Variants in TICRR observed in about 807,000 individuals in gnomAD.
TICRR encodes the protein TOPBP1 interacting checkpoint and replication regulator.
In TICRR, 132 loss-of-function variants were observed where a neutral mutation model predicts 178.1. The ratio of observed to expected loss-of-function variants is 0.74; its 90% confidence interval spans 0.64 to 0.86. The LOEUF is 0.86. Among genes scored for constraint, TICRR ranks in the 40% least tolerant of loss-of-function variants. The pLI is 0.00. For synonymous variants in TICRR, 991 were observed against 900.7 expected (o/e 1.10, Z -1.79); for missense variants, 2,587 against 2,334.3 (o/e 1.11, Z -2.23).
intron 18 of TICRR, among the ~76,000 whole-genome samples, chr15:89,620,880 G>A (rs971236581): frequency 1.3e-4 from 19 of 151,902 alleles, no homozygotes; most frequent in African/African-American, 3.4e-4. Context: ...CCGCCACCAC[G>A]CCCAGCTAAA....
rs746206801 is a variant in TICRR, at chr15:89,585,967, CAG to C, written c.1411+28_1411+29del. The C allele has an allele frequency of 4.3e-5, 69 of 1,594,258 alleles. No homozygotes were observed. In the East Asian group the frequency reaches 8.7e-4, roughly 20 times the overall value. ...GGTAAGCTCCTAAACTAGTAACTAA[CAG>C]AGTCTAGGGTGGTTTGCAGTCTTTT... On this transcript the variant is annotated intron_variant, in intron 4 of 21. Transcript: ENST00000268138.
At chr15:89,594,708 T>C (rs564968940) in intron 6 of TICRR, among the ~76,000 whole-genome samples, 154 bp downstream of exon 6, 1 of 152,358 alleles carries the variant, frequency 6.6e-6, no homozygotes, top group South Asian at 2.1e-4. Flanking sequence ...ATTAGTTCAA[T>C]AGTGATTTTT....
At chr15:89,612,271 A>G (rs1031762084) in intron 15 of TICRR, among the ~76,000 whole-genome samples, 5 of 151,950 alleles carry the variant, frequency 3.3e-5, no homozygotes, top group African/African-American at 1.2e-4. Context: ...CCTAAGAAGG[A>G]TTTCCTTAAA....
At chr15:89,606,483 TAG>T (rs1963177187) in intron 13 of TICRR, among the ~76,000 whole-genome samples, 1 of 152,220 alleles carries the variant, frequency 6.6e-6, no homozygotes, top group African/African-American at 2.4e-5. Flanking sequence ...CAACCATATA[TAG>T]AGAGGTCTTC....
chr15:89,618,960 AAAAAT>A (rs1416914276), intron 17 of TICRR, among the ~76,000 whole-genome samples: 11 of 152,206 alleles, frequency 7.2e-5, no homozygotes, highest in South Asian at 2.1e-4. Flanking sequence ...CATGTCTCTA[AAAAAT>A]AAAATAATAA....
chr15:89,602,771 T>C, intron 12 of TICRR, 25 bp from the exon 13 acceptor site: 1 of 1,218,088 alleles, frequency 8.2e-7, no homozygotes, highest in South Asian at 2.0e-5. Flanking sequence ...ATCTAGTATG[T>C]ATTAACTATT....
In TICRR at chr15:89,576,872, CAT is replaced by C. The variant is rs1387286893; in HGVS notation, c.654+640_654+641del. 5.7e-5 allele frequency among the ~76,000 whole-genome samples: 8 copies of C among 140,140 alleles called. No individual in the cohort carries two copies. In the South Asian group the frequency reaches 1.2e-3, roughly 20 times the overall value. The allele number at this position is 140,140 out of a possible 152,430, so 91.9% of individuals were successfully genotyped here. ...ATATATATATATATACACACACACACATATATATACACATTTATTTATATACA... is the reference window on the plus strand; with the variant it reads ...ATATATATATATATACACACACACACATATATACACATTTATTTATATACA... On this transcript the variant is annotated intron_variant, in intron 1 of 21. Coordinates refer to ENST00000268138, the MANE Select transcript of TICRR (RefSeq NM_152259.4).
At chr15:89,605,090 T>A (rs1291606640) in intron 13 of TICRR, among the ~76,000 whole-genome samples, 1 of 152,194 alleles carries the variant, frequency 6.6e-6, no homozygotes, top group Non-Finnish European at 1.5e-5. Context: ...GGACATACTC[T>A]CCTAGTTTTT....
intron 1 of TICRR, among the ~76,000 whole-genome samples, chr15:89,579,084 T>C (rs1407679481): frequency 6.6e-6 from 1 of 152,160 alleles, no homozygotes; most frequent in African/African-American, 2.4e-5. Context: ...TGCAAAGATA[T>C]AGGACAGAAT....
intron 4 of TICRR, among the ~76,000 whole-genome samples, chr15:89,590,508 C>T (rs1268806342): frequency 6.6e-6 from 1 of 152,138 alleles, no homozygotes; most frequent in Non-Finnish European, 1.5e-5. Context: ...AGTATTTTAC[C>T]AGTACTCTCT....
chr15:89,584,728 A>G (rs963171188), intron 3 of TICRR, among the ~76,000 whole-genome samples: 3 of 152,230 alleles, frequency 2.0e-5, no homozygotes, highest in Non-Finnish European at 2.9e-5. Context: ...TGTACCAAGA[A>G]TCCAATTAAG....
chr15:89,596,129 A>G (rs1039979335), intron 7 of TICRR, among the ~76,000 whole-genome samples: 2 of 152,208 alleles, frequency 1.3e-5, no homozygotes, highest in Non-Finnish European at 2.9e-5. Flanking sequence ...ATAGTGGGCA[A>G]ATGATTTTTG....
At chr15:89,611,407 CTCTT>C (rs1043790390) in intron 15 of TICRR, among the ~76,000 whole-genome samples, 3 of 152,146 alleles carry the variant, frequency 2.0e-5, no homozygotes, top group African/African-American at 4.8e-5. Context: ...TCCAGATTCT[CTCTT>C]TGTCCTTGGG....
intron 1 of TICRR, among the ~76,000 whole-genome samples, chr15:89,581,661 A>G (rs769925317): frequency 6.6e-6 from 1 of 152,218 alleles, no homozygotes; most frequent in Non-Finnish European, 1.5e-5. Context: ...GATGAGGGGT[A>G]GAAGATAATG....
chr15:89,611,952 A>C (rs553048191), intron 15 of TICRR, among the ~76,000 whole-genome samples: 1 of 152,314 alleles, frequency 6.6e-6, no homozygotes, highest in African/African-American at 2.4e-5. Flanking sequence ...TTTGACTAGT[A>C]ATTCCAATGT....
In TICRR at chr15:89,601,370, T is replaced by C. The variant is rs778476246; in HGVS notation, c.2226T>C (p.Asp742=). Residue 742 remains aspartate (D), a synonymous_variant, in exon 10 of 22, where the codon GAT becomes GAC. Transcript: ENST00000268138. Reference sequence around the variant, plus strand: ...CTTCAATAAATGAAAGTACAGATGATATGGAACAAGTAGTGGAGGAGGCAA... The same window carrying C: ...CTTCAATAAATGAAAGTACAGATGACATGGAACAAGTAGTGGAGGAGGCAA... ...QCPSINESTD[D]MEQVVEEVTD... 5.0e-5 allele frequency: 80 copies of C among 1,614,036 alleles called. No homozygotes were observed.
Position 89,624,964 on chromosome 15 carries a change from G to T in TICRR, c.4654G>T (p.Asp1552Tyr). The T allele has an allele frequency of 6.2e-7, 1 of 1,614,092 alleles. No individual in the cohort carries two copies. Among genetic ancestry groups the T allele is most frequent in the African/African-American group, 1.3e-5 (1 of 75,022 alleles). ...NLPASAWHST[D>Y]SASPQTYEVE... The stretch of plus-strand genomic sequence containing the variant: ...GCCAGCATCAGCTTGGCATTCCACA[G>T]ACTCTGCCAGCCCACAGACCTATGA... Residue 1552 changes from aspartate to tyrosine, a missense_variant, in exon 20 of 22, where the codon GAC (aspartate) becomes TAC (tyrosine). Physicochemically the swap from Asp to Tyr is radical, Grantham distance 160. Transcript: ENST00000268138.
chr15:89,602,770 G>C, intron 12 of TICRR, 26 bp from the exon 13 acceptor site: 1 of 1,203,438 alleles, frequency 8.3e-7, no homozygotes, highest in Middle Eastern at 2.4e-4. Flanking sequence ...TATCTAGTAT[G>C]TATTAACTAT....
intron 15 of TICRR, among the ~76,000 whole-genome samples, chr15:89,612,237 A>G (rs796356417): frequency 9.9e-5 from 15 of 151,932 alleles, no homozygotes; most frequent in South Asian, 6.2e-4. Flanking sequence ...GTTTCTGTCT[A>G]TTATCTCTGT....
Sources: allele counts gnomAD v4.1 joint callset (sites outside exome capture counted in the v4.1 genomes callset), GRCh38; gene constraint gnomAD v4.1.1; transcripts MANE v1.5; gene names NCBI Gene and HGNC (gene_info 2026-07-23, HGNC 2026-07-21).